The following RALGAPA1 variants were observed in gnomAD, a reference collection of about 807,000 sequenced individuals.
RALGAPA1 encodes Ral GTPase activating protein catalytic subunit alpha 1.
In RALGAPA1, 52 loss-of-function variants were observed where a neutral mutation model predicts 269.6. That is an observed-to-expected ratio of 0.19 (90% CI 0.15 to 0.24). The LOEUF (loss-of-function observed/expected upper bound fraction) is 0.24, where lower values mean the gene tolerates loss of function less well. Ranked by LOEUF, RALGAPA1 falls within the 10% of genes least tolerant of loss-of-function variation. The pLI, the probability that RALGAPA1 is intolerant of heterozygous loss-of-function variation, is 1.00. For synonymous variants in RALGAPA1, 817 were observed against 1,008.3 expected (o/e 0.81, Z 3.60); for missense variants, 1,917 against 3,013.9 (o/e 0.64, Z 8.52).
chr14:35,574,416 T>C (rs919502212), intron 37 of RALGAPA1, among the ~76,000 whole-genome samples: 3 of 152,200 alleles, frequency 2.0e-5, no homozygotes, highest in African/African-American at 7.2e-5. Context: ...AAGAACAACA[T>C]ATTTTTGCCA....
intron 5 of RALGAPA1, 92 bp from the exon 6 acceptor site, chr14:35,761,098 AATG>A: frequency 1.1e-6 from 1 of 917,414 alleles, no homozygotes; most frequent in Non-Finnish European, 1.6e-6. Context: ...ATGACAACAG[AATG>A]ATACTTTCGA....
intron 37 of RALGAPA1, among the ~76,000 whole-genome samples, chr14:35,590,874 TC>T (rs2058593232): frequency 6.6e-6 from 1 of 152,218 alleles, no homozygotes; most frequent in Non-Finnish European, 1.5e-5. Context: ...AAATGGCTGA[TC>T]ATGTTCAGTT....
At chr14:35,570,356 A>G (rs1235454264) in intron 39 of RALGAPA1, among the ~76,000 whole-genome samples, 2 of 149,734 alleles carry the variant, frequency 1.3e-5, no homozygotes, top group African/African-American at 4.9e-5. Context: ...CCATCTATAC[A>G]TCAATAAACA....
At chr14:35,781,758 A>C (rs188560607) in intron 1 of RALGAPA1, among the ~76,000 whole-genome samples, 1 of 152,230 alleles carries the variant, frequency 6.6e-6, no homozygotes, top group Non-Finnish European at 1.5e-5. Flanking sequence ...ACACAGAAAA[A>C]ACATCTGACA....
intron 17 of RALGAPA1, among the ~76,000 whole-genome samples, chr14:35,694,428 C>T (rs2066739453): frequency 6.6e-6 from 1 of 152,136 alleles, no homozygotes; most frequent in African/African-American, 2.4e-5. Flanking sequence ...TAAGTAAAAA[C>T]GATAGAGCAT....
At chr14:35,597,279 G>A (rs1566781963) in intron 36 of RALGAPA1, among the ~76,000 whole-genome samples, 2 of 152,226 alleles carry the variant, frequency 1.3e-5, no homozygotes, top group African/African-American at 4.8e-5. Flanking sequence ...GAGAATGCCC[G>A]TTTCCCTCAT....
At position 35,723,063 on chromosome 14, in the gene RALGAPA1, G is replaced by A; in HGVS notation, c.2068C>T (p.Leu690=). 6.2e-7 allele frequency: 1 copy of A among 1,605,034 alleles called. No homozygotes were observed. Among genetic ancestry groups the A allele is most frequent in the Non-Finnish European group, 8.5e-7 (1 of 1,172,134 alleles). Residue 690 remains leucine, a synonymous_variant, in exon 15 of 42, where the codon CTG becomes TTG. Transcript: ENST00000680220. The part of the protein sequence containing the change: ...LDLSDLPLDK[L]SEQKQKKHKG... ...TGCTTTTTTTGTTTCTGTTCACTCAGCTTATCCAATGGTAAATCACTGAGA... is the reference window on the plus strand; with the variant it reads ...TGCTTTTTTTGTTTCTGTTCACTCAACTTATCCAATGGTAAATCACTGAGA...
In RALGAPA1 at chr14:35,752,073, A is replaced by G. The variant is rs767257069; in HGVS notation, c.753T>C (p.Tyr251=). The change falls in exon 8 of 42, where the codon TAT becomes TAC. Residue 251 remains tyrosine (Y), a synonymous_variant. Coordinates refer to ENST00000680220, the MANE Select transcript of RALGAPA1 (RefSeq NM_001346249.2). ...FSHFKKYYLP[Y]IFPNICKENS... is the part of the protein sequence containing the mutation. ...TTTCCTTACAGATGTTTGGAAAAATATAAGGCAAGTAATATTTCTTAAAAT... is the reference window on the plus strand; with the variant it reads ...TTTCCTTACAGATGTTTGGAAAAATGTAAGGCAAGTAATATTTCTTAAAAT... 2.8e-5 allele frequency: 44 copies of G among 1,585,360 alleles called. No homozygotes were observed. Among genetic ancestry groups the G allele is most frequent in the East Asian group, 4.5e-5 (2 of 44,262 alleles).
intron 40 of RALGAPA1, 25 bp downstream of exon 40, chr14:35,549,085 A>C (rs542362123): frequency 6.2e-6 from 10 of 1,609,884 alleles, no homozygotes; most frequent in Non-Finnish European, 8.5e-6. Context: ...AATAACAAGT[A>C]ACTAATACTC....
intron 1 of RALGAPA1, among the ~76,000 whole-genome samples, chr14:35,788,165 AT>A (rs2075924499): frequency 6.6e-6 from 1 of 150,620 alleles, no homozygotes; most frequent in African/African-American, 2.4e-5. Context: ...TAGAAACGGG[AT>A]TTCATCATGT....
intron 39 of RALGAPA1, among the ~76,000 whole-genome samples, chr14:35,552,965 A>G (rs2055168670): frequency 6.6e-6 from 1 of 152,208 alleles, no homozygotes; most frequent in African/African-American, 2.4e-5. Flanking sequence ...AAGACCAGCT[A>G]TTAAGAAACT....
chr14:35,769,911 A>G (rs182840935), intron 4 of RALGAPA1, among the ~76,000 whole-genome samples: 2 of 152,320 alleles, frequency 1.3e-5, no homozygotes, highest in Non-Finnish European at 2.9e-5. Context: ...CTCATTCACA[A>G]ACTGTTTCAG....
intron 13 of RALGAPA1, among the ~76,000 whole-genome samples, chr14:35,727,332 T>TATAC: frequency 6.9e-6 from 1 of 144,972 alleles, no homozygotes; most frequent in East Asian, 2.0e-4. Flanking sequence ...TATATATATA[T>TATAC]ATATATATAT....
intron 4 of RALGAPA1, among the ~76,000 whole-genome samples, chr14:35,764,939 T>G (rs967357161): frequency 6.6e-6 from 1 of 152,232 alleles, no homozygotes; most frequent in Non-Finnish European, 1.5e-5. Context: ...ATTAAAATTA[T>G]AAACCAAATA....
chr14:35,671,209 C>T (rs1472970097), intron 26 of RALGAPA1, among the ~76,000 whole-genome samples, 180 bp downstream of exon 26: 1 of 152,044 alleles, frequency 6.6e-6, no homozygotes, highest in East Asian at 1.9e-4. Flanking sequence ...TCAGATTTTA[C>T]TGATTTTAGT....
intron 31 of RALGAPA1, among the ~76,000 whole-genome samples, chr14:35,642,205 C>A (rs1220265493): frequency 2.0e-5 from 3 of 152,074 alleles, no homozygotes; most frequent in African/African-American, 7.2e-5. Flanking sequence ...TGGAGTAATA[C>A]CCTACAAGCA....
At chr14:35,752,824 T>C (rs2072845123) in intron 7 of RALGAPA1, among the ~76,000 whole-genome samples, 1 of 152,140 alleles carries the variant, frequency 6.6e-6, no homozygotes, top group Non-Finnish European at 1.5e-5. Flanking sequence ...GGAGATTGAT[T>C]ATACACAAGG....
At chr14:35,645,229 G>A (rs1451403035) in intron 31 of RALGAPA1, among the ~76,000 whole-genome samples, 2 of 151,924 alleles carry the variant, frequency 1.3e-5, no homozygotes, top group African/African-American at 4.8e-5. Flanking sequence ...TCATCCTCAC[G>A]ACCTAATTAC....
At chr14:35,576,652 G>A (rs1157917975) in intron 37 of RALGAPA1, among the ~76,000 whole-genome samples, 1 of 152,144 alleles carries the variant, frequency 6.6e-6, no homozygotes, top group Non-Finnish European at 1.5e-5. Flanking sequence ...AGTGCTTACT[G>A]CTTACTGTTT....
Sources: allele counts gnomAD v4.1 joint callset (sites outside exome capture counted in the v4.1 genomes callset), GRCh38; gene constraint gnomAD v4.1.1; transcripts MANE v1.5; gene names NCBI Gene and HGNC (gene_info 2026-07-23, HGNC 2026-07-21).